Variants in CFAP251 observed in about 807,000 individuals in gnomAD.
CFAP251 encodes the protein cilia and flagella associated protein 251, also known as cilia- and flagella-associated protein 251.
A neutral mutation model predicts 126.7 loss-of-function variants in CFAP251; 93 were observed. The ratio of observed to expected loss-of-function variants is 0.73; its 90% CI spans 0.62 to 0.87. The LOEUF (loss-of-function observed/expected upper bound fraction) is 0.87. Ranked by LOEUF, CFAP251 falls within the 40% of genes least tolerant of loss-of-function variation. The pLI is 0.00. For missense variants in CFAP251, 1,287 were observed against 1,389.2 expected, an observed-to-expected ratio of 0.93 and a Z score of 1.17; for synonymous variants, 503 against 506.9, an observed-to-expected ratio of 0.99 and a Z score of 0.10.
chr12:121,921,446 G>C lies in CFAP251; in HGVS notation c.141G>C (p.Trp47Cys). The change falls in exon 2 of 22, where the codon TGG (tryptophan) becomes TGC (cysteine). Residue 47 changes from tryptophan to cysteine, a missense_variant. Transcript: ENST00000288912. The part of the protein sequence containing the change: ...QQESKDDTIA[W>C]RESQEEERKT... ...AATCAAAAGATGACACAATAGCATG[G>C]AGAGAGTCTCAGGAGGAGGAGAGGA... is the stretch of plus-strand genomic sequence containing the variant. 3 of 1,613,838 alleles carry C rather than the reference G, an allele frequency of 1.9e-6. No individual in the cohort carries two copies. The highest frequency in any genetic ancestry group is 2.5e-6 in the Non-Finnish European group (3 of 1,179,856).
intron 19 of CFAP251, among the ~76,000 whole-genome samples, chr12:121,988,020 A>G (rs1384094671): frequency 6.6e-6 from 1 of 152,032 alleles, no homozygotes; most frequent in Admixed American, 6.6e-5. Flanking sequence ...ATTTTTCATA[A>G]CAAGCATGTT....
In CFAP251 at chr12:121,970,061, A is replaced by G. The variant is rs953000113; in HGVS notation, c.2771+1892A>G. On this transcript the variant is annotated intron_variant, in intron 17 of 21. Coordinates refer to ENST00000288912, the MANE Select transcript of CFAP251 (RefSeq NM_144668.6). ...GTAAACAAACAGAATTTCCTACTAGAGTTACTGATGATGAGTTGTAGGGGA... is the reference window on the plus strand; with the variant it reads ...GTAAACAAACAGAATTTCCTACTAGGGTTACTGATGATGAGTTGTAGGGGA... 5 of 657,368 alleles carry G rather than the reference A, an allele frequency of 7.6e-6. No homozygotes were observed. The Admixed American group carries it at 1.9e-4, about 25-fold the overall frequency. 40.7% of individuals were successfully genotyped at this position (657,368 alleles called of 1,614,324 possible).
At chr12:121,952,956 G>T (rs2135776139) in intron 9 of CFAP251, 1 of 152,220 alleles carries the variant, frequency 6.6e-6, no homozygotes, top group South Asian at 2.1e-4. Flanking sequence ...AAATATAGGG[G>T]TAGGTTTCTG....
At chr12:121,926,007 G>T (rs1880395441) in intron 3 of CFAP251, among the ~76,000 whole-genome samples, 1 of 146,084 alleles carries the variant, frequency 6.8e-6, no homozygotes, top group African/African-American at 2.5e-5. Context: ...ACCACGCCCA[G>T]CTAATTTTTT....
chr12:121,954,219 G>C lies in CFAP251; in HGVS notation c.1420G>C (p.Asp474His). Residue 474 changes from aspartate to histidine, a missense_variant, in exon 10 of 22, where the codon GAC becomes CAC. Asp to His is a moderately conservative substitution (Grantham distance 81). Transcript: ENST00000288912. ...AATGGAAGGGAAGCTGGTTGTCTGG[G>C]ACATACACCGCCCACCCTCATCTGC... ...ATMEGKLVVWDIHRPPSSAST... is the reference protein window; with the variant it reads ...ATMEGKLVVWHIHRPPSSAST... 1 of 1,614,058 alleles carries C rather than the reference G, an allele frequency of 6.2e-7. No homozygotes were observed. The highest frequency in any genetic ancestry group is 1.3e-5 in the African/African-American group (1 of 74,958).
Position 121,923,710 on chromosome 12 carries a change from T to A in CFAP251, c.467T>A (p.Ile156Asn). The A allele has an allele frequency of 6.2e-7, 1 of 1,614,120 alleles. No individual in the cohort carries two copies. Among genetic ancestry groups the A allele is most frequent in the South Asian group, 1.1e-5 (1 of 91,074 alleles). Residue 156 changes from isoleucine (I) to asparagine (N), a missense_variant, in exon 3 of 22, where the codon ATT (isoleucine) becomes AAT (asparagine). Coordinates refer to ENST00000288912, the MANE Select transcript of CFAP251 (RefSeq NM_144668.6). ...DELLRDLSTQ[I>N]EFLDLDQISP... ...CTTTTAAGAGACCTGAGCACACAAA[T>A]TGAATTTCTTGATTTGGATCAAATC...
At chr12:121,936,701 C>T (rs1880908342) in intron 5 of CFAP251, among the ~76,000 whole-genome samples, 1 of 151,916 alleles carries the variant, frequency 6.6e-6, no homozygotes, top group Non-Finnish European at 1.5e-5. Context: ...TAGAGGTCCA[C>T]CAAATGAAGG....
chr12:121,928,703 TA>T lies in CFAP251; in HGVS notation c.748-3042del, dbSNP rs201556706. ...ATATATATATACGTATATATATATATATTTTTTTTTTGAGACAGGGTCTTGC... is the reference window on the plus strand; with the variant it reads ...ATATATATATACGTATATATATATATTTTTTTTTTTGAGACAGGGTCTTGC... On this transcript the variant is annotated intron_variant, in intron 3 of 21. Coordinates refer to ENST00000288912, the MANE Select transcript of CFAP251 (RefSeq NM_144668.6). 2.7e-4 allele frequency among the ~76,000 whole-genome samples: 10 copies of T among 36,884 alleles called. 1 individual carries two copies. The highest frequency in any genetic ancestry group is 5.1e-4 in the African/African-American group (3 of 5,902). The allele number at this position is 36,884 out of a possible 152,430, so 24.2% of individuals were successfully genotyped here. A position where few individuals can be genotyped will look rare whatever the true frequency, so the allele number is the denominator to read the frequency against.
intron 4 of CFAP251, among the ~76,000 whole-genome samples, chr12:121,933,907 G>C (rs942897198): frequency 2.6e-5 from 4 of 152,192 alleles, no homozygotes; most frequent in African/African-American, 7.2e-5. Context: ...CAGTGTTCTA[G>C]AGAGAAGAGG....
At chr12:121,941,235 T>G (rs1228060189) in intron 5 of CFAP251, among the ~76,000 whole-genome samples, 1 of 151,890 alleles carries the variant, frequency 6.6e-6, no homozygotes, top group African/African-American at 2.4e-5. Flanking sequence ...TTTCACCATG[T>G]TGGCCAGGCT....
intron 19 of CFAP251, chr12:121,998,889 C>CAAAAAAAAAAAAAAAAA (rs60289920): frequency 3.3e-5 from 1 of 30,600 alleles, no homozygotes; most frequent in African/African-American, 1.0e-4. Flanking sequence ...GACCCTGTAT[C>CAAAAAAAAAAAAAAAAA]AAAAAAAAAA....
chr12:121,938,529 C>T (rs2135759072), intron 5 of CFAP251, among the ~76,000 whole-genome samples: 1 of 149,916 alleles, frequency 6.7e-6, no homozygotes, highest in East Asian at 2.0e-4. Context: ...AGGGTTTCAC[C>T]ATGTTACTCA....
At chr12:121,927,524 T>C (rs1880467685) in intron 3 of CFAP251, among the ~76,000 whole-genome samples, 1 of 152,210 alleles carries the variant, frequency 6.6e-6, no homozygotes. Context: ...CTCGAGCTCC[T>C]GACCTCAGGT....
intron 5 of CFAP251, among the ~76,000 whole-genome samples, chr12:121,938,949 T>C (rs1323562485): frequency 6.6e-6 from 1 of 151,716 alleles, no homozygotes; most frequent in Non-Finnish European, 1.5e-5. Context: ...ATCGTGCCAT[T>C]GCACTCCAAT....
intron 3 of CFAP251, among the ~76,000 whole-genome samples, chr12:121,931,279 A>T (rs952444735): frequency 2.6e-5 from 4 of 151,792 alleles, no homozygotes; most frequent in Admixed American, 2.6e-4. Context: ...CACCCTTTAA[A>T]TTTTTTTTTA....
intron 20 of CFAP251, among the ~76,000 whole-genome samples, 191 bp downstream of exon 20, chr12:122,000,135 G>A (rs1231000978): frequency 6.6e-6 from 1 of 152,194 alleles, no homozygotes; most frequent in Non-Finnish European, 1.5e-5. Flanking sequence ...GAGGGACCCG[G>A]AGCTAGAAAG....
intron 15 of CFAP251, among the ~76,000 whole-genome samples, chr12:121,966,571 T>A (rs1882148259): frequency 1.5e-5 from 2 of 137,700 alleles, no homozygotes; most frequent in Admixed American, 1.5e-4. Flanking sequence ...CCATGCCCCA[T>A]CCATGACCAA....
At position 121,965,868 on chromosome 12, in the gene CFAP251, G is replaced by A. The variant is rs1468389140; in HGVS notation, c.2493-1087G>A. Among the ~76,000 whole-genome samples the A allele has an allele frequency of 2.0e-5, 3 of 146,490 alleles. No homozygotes were observed. In the Admixed American group the frequency reaches 2.1e-4, roughly 10 times the overall value. ...AGGGTCTCACTCTGTTGCCCAGGCT[G>A]GAGTGCAGTGGCATGATCTCAGCTC... On this transcript the variant is annotated intron_variant, in intron 15 of 21. Coordinates refer to ENST00000288912, the MANE Select transcript of CFAP251 (RefSeq NM_144668.6).
chr12:121,931,663 C>T (rs1392050634), intron 3 of CFAP251, 83 bp from the exon 4 acceptor site: 1 of 1,333,902 alleles, frequency 7.5e-7, no homozygotes, highest in African/African-American at 1.5e-5. Context: ...ATGTGAAATC[C>T]TTCCCCTCCG....
Sources: allele counts gnomAD v4.1 joint callset (sites outside exome capture counted in the v4.1 genomes callset), GRCh38; gene constraint gnomAD v4.1.1; transcripts MANE v1.5; gene names NCBI Gene and HGNC (gene_info 2026-07-23, HGNC 2026-07-21).